The following LAMB3 variants were observed in gnomAD, a reference collection of about 807,000 sequenced individuals.
The protein encoded by LAMB3 is laminin subunit beta 3, also known as laminin subunit beta-3.
Under a neutral mutation model 140.3 loss-of-function variants are expected in LAMB3, and 104 were observed. That is an observed-to-expected ratio of 0.74 (90% CI 0.63 to 0.87). The LOEUF (loss-of-function observed/expected upper bound fraction) is 0.87. LAMB3 is among the 40% of genes least tolerant of loss of function. The pLI, the probability that LAMB3 is intolerant of heterozygous loss-of-function variation, is 0.00. For synonymous variants in LAMB3, 592 were observed against 602.9 expected, an observed-to-expected ratio of 0.98 and a Z score of 0.26; for missense variants, 1,531 against 1,575.2, an observed-to-expected ratio of 0.97 and a Z score of 0.47.
chr1:209,636,039 T>C (rs79192380), intron 5 of LAMB3, among the ~76,000 whole-genome samples: 1,901 of 152,350 alleles, frequency 0.012, 49 homozygotes, highest in African/African-American at 0.043. Flanking sequence ...ACAGATCTTT[T>C]GATACCTGAC....
Position 209,627,497 on chromosome 1 carries a change from C to T in LAMB3, c.1371G>A (p.Val457=), listed in dbSNP as rs1433069967. 1 of 1,613,976 alleles carries T rather than the reference C, an allele frequency of 6.2e-7. No homozygotes were observed. The highest frequency in any genetic ancestry group is 8.5e-7 in the Non-Finnish European group (1 of 1,180,032). ...ESGRCLCLPN[V]VGPKCDQCAP... ...CACACTGGTCACATTTGGGACCCACCACGTTGGGCAGACAAAGGCAGCGCC... is the reference window on the plus strand; with the variant it reads ...CACACTGGTCACATTTGGGACCCACTACGTTGGGCAGACAAAGGCAGCGCC... The change falls in exon 12 of 23, where the codon GTG becomes GTA. Residue 457 remains valine, a synonymous_variant. Coordinates refer to ENST00000356082, the MANE Select transcript of LAMB3 (RefSeq NM_000228.3).
At chr1:209,638,264 TAATTCTGCAAGCCCAC>T (rs1276454824) in intron 4 of LAMB3, among the ~76,000 whole-genome samples, 1 of 152,210 alleles carries the variant, frequency 6.6e-6, no homozygotes, top group Non-Finnish European at 1.5e-5. Flanking sequence ...TCCCCAAACT[TAATTCTGCAAGCCCAC>T]CCACTGAGAC....
At chr1:209,622,721 A>C (rs777463613) in intron 17 of LAMB3, 41 bp from the exon 18 acceptor site, 2 of 1,613,318 alleles carry the variant, frequency 1.2e-6, no homozygotes, top group African/African-American at 1.3e-5. Flanking sequence ...TAAGGCCCCA[A>C]GGGAACCTCT....
chr1:209,639,345 G>C (rs972992659), intron 3 of LAMB3, among the ~76,000 whole-genome samples: 1 of 152,206 alleles, frequency 6.6e-6, no homozygotes, highest in Non-Finnish European at 1.5e-5. Context: ...CAAAATTCTA[G>C]TGACATTCAA....
intron 3 of LAMB3, among the ~76,000 whole-genome samples, chr1:209,649,266 T>C (rs1250567633): frequency 6.6e-6 from 1 of 152,104 alleles, no homozygotes; most frequent in African/African-American, 2.4e-5. Flanking sequence ...TCAAGCAAAA[T>C]GGCTAAATGA....
Position 209,626,910 on chromosome 1 carries a change from C to T in LAMB3, c.1554G>A (p.Gln518=), listed in dbSNP as rs1666479735. ...GLMCSAAAIR[Q]CPDRTYGDVA... The stretch of plus-strand genomic sequence containing the variant: ...CGTCTCCATAGGTCCGGTCTGGACA[C>T]TGGCGGATGGCTGCAGCGCTGCACA... The change falls in exon 13 of 23, where the codon CAG becomes CAA. Residue 518 remains glutamine (Q), a synonymous_variant. Transcript: ENST00000356082. 1 of 1,613,794 alleles carries T rather than the reference C, an allele frequency of 6.2e-7. No individual in the cohort carries two copies. The highest frequency in any genetic ancestry group is 8.5e-7 in the Non-Finnish European group (1 of 1,179,984).
At position 209,650,044 on chromosome 1, in the gene LAMB3, C is replaced by T. The variant is rs948421129; in HGVS notation, c.103G>A (p.Val35Ile). Reference protein sequence around the residue: ...ACYPPVGDLLVGRTRFLRASS... With the variant: ...ACYPPVGDLLIGRTRFLRASS... ...GCTCGGAGAAACCGGGTCCTCCCAA[C>T]AAGCAGGTCCCCAACAGGTGGATAG... The change falls in exon 3 of 23, where the codon GTT (valine) becomes ATT (isoleucine). Residue 35 changes from valine to isoleucine, a missense_variant. By Grantham distance (29) the Val-to-Ile change is conservative (BLOSUM62 3). Coordinates refer to ENST00000356082, the MANE Select transcript of LAMB3 (RefSeq NM_000228.3). 5.6e-6 allele frequency: 9 copies of T among 1,614,194 alleles called. No individual in the cohort carries two copies. Among genetic ancestry groups the T allele is most frequent in the Non-Finnish European group, 7.6e-6 (9 of 1,180,038 alleles).
chr1:209,650,854 T>C (rs954666249), intron 2 of LAMB3, 63 bp downstream of exon 2: 8 of 1,512,606 alleles, frequency 5.3e-6, no homozygotes, highest in Middle Eastern at 1.7e-4. Context: ...ACTCTCCTTC[T>C]CCCTGTGGCT....
In LAMB3 at chr1:209,623,138, TGATA is replaced by T; in HGVS notation, c.2396_2399del (p.Ile799AsnfsTer31). ...CTTGGGGACATAGCTCACCAGGGCATGATATTGGGGTGCAAGCCATCTGCCTGGA... is the reference window on the plus strand; with the variant it reads ...CTTGGGGACATAGCTCACCAGGGCATTTGGGGTGCAAGCCATCTGCCTGGA... On this transcript the variant is annotated frameshift_variant, in exon 17 of 23. Transcript: ENST00000356082. LOFTEE classifies it high-confidence loss of function. This position sits in a 1 kb window ranked among gnomAD's most constrained non-coding sequence, Gnocchi z 4.2. 6.2e-7 allele frequency: 1 copy of T among 1,614,148 alleles called. No homozygotes were observed. The highest frequency in any genetic ancestry group is 8.5e-7 in the Non-Finnish European group (1 of 1,180,028).
chr1:209,618,685 T>C (rs781651068), intron 18 of LAMB3, 26 bp from the exon 19 acceptor site: 176 of 1,608,724 alleles, frequency 1.1e-4, no homozygotes, highest in Non-Finnish European at 1.4e-4. Flanking sequence ...CATTTGACTG[T>C]AGGAGCCCAC....
chr1:209,625,991 C>T lies in LAMB3; in HGVS notation c.1633G>A (p.Gly545Ser), dbSNP rs1166060024. The T allele has an allele frequency of 2.5e-6, 4 of 1,613,184 alleles. No individual in the cohort carries two copies. The highest frequency in any genetic ancestry group is 3.4e-6 in the Non-Finnish European group (4 of 1,179,558). ...CAGCGGCCTGATGCCTTGTCGCAGCCCGGGCCCTCTGTTCCCCGGAAATCA... is the reference window on the plus strand; with the variant it reads ...CAGCGGCCTGATGCCTTGTCGCAGCTCGGGCCCTCTGTTCCCCGGAAATCA... ...DCDFRGTEGP[G>S]CDKASGRCLC... The change falls in exon 14 of 23, where the codon GGC (glycine) becomes AGC (serine). Residue 545 changes from glycine to serine, a missense_variant. By Grantham distance (56) the Gly-to-Ser change is moderately conservative. Coordinates refer to ENST00000356082, the MANE Select transcript of LAMB3 (RefSeq NM_000228.3).
chr1:209,617,641 T>G (rs1571796893), intron 20 of LAMB3, 55 bp from the exon 21 acceptor site: 9 of 1,595,722 alleles, frequency 5.6e-6, no homozygotes, highest in South Asian at 2.2e-5. Flanking sequence ...GGTCGGGGGG[T>G]TCATCCCCAT....
At chr1:209,622,796 C>T in intron 17 of LAMB3, 116 bp from the exon 18 acceptor site, 1 of 1,444,098 alleles carries the variant, frequency 6.9e-7, no homozygotes, top group South Asian at 1.1e-5. Context: ...CATTTGTAAC[C>T]AACCCAGCTT....
intron 5 of LAMB3, among the ~76,000 whole-genome samples, chr1:209,637,694 G>A (rs1666935810): frequency 6.6e-6 from 1 of 152,222 alleles, no homozygotes; most frequent in Non-Finnish European, 1.5e-5. Context: ...GAATGAGAGA[G>A]GAAGAGGATA....
intron 3 of LAMB3, among the ~76,000 whole-genome samples, chr1:209,649,260 GCAAAAT>G (rs2076543990): frequency 1.3e-5 from 2 of 152,148 alleles, no homozygotes; most frequent in African/African-American, 4.8e-5. Flanking sequence ...CCTTGTTCAA[GCAAAAT>G]GGCTAAATGA....
chr1:209,616,367 T>C (rs988054102), intron 22 of LAMB3, 104 bp downstream of exon 22: 10 of 1,319,090 alleles, frequency 7.6e-6, no homozygotes, highest in Admixed American at 6.7e-5. Context: ...CTCACTCCCA[T>C]AGCACGGCTA....
At position 209,632,628 on chromosome 1, in the gene LAMB3, G is replaced by A. The variant is rs146529524; in HGVS notation, c.777C>T (p.Cys259=). ...CTGCAGAGGCCCCAGGCTTGGGTGC[G>A]CAGCGATCAGCATGGCCGTGACAGA... ...SCFCHGHADR[C]APKPGASAGP... The change falls in exon 8 of 23, where the codon TGC becomes TGT. Residue 259 remains cysteine (C), a synonymous_variant. Coordinates refer to ENST00000356082, the MANE Select transcript of LAMB3 (RefSeq NM_000228.3). The A allele has an allele frequency of 8.4e-4, 1,349 of 1,614,082 alleles. 2 individuals carry two copies. Among genetic ancestry groups the A allele is most frequent in the Non-Finnish European group, 1.0e-3 (1,194 of 1,179,944 alleles).
At chr1:209,620,360 G>A (rs759354891) in intron 18 of LAMB3, among the ~76,000 whole-genome samples, 9 of 152,150 alleles carry the variant, frequency 5.9e-5, no homozygotes, top group East Asian at 5.8e-4. Flanking sequence ...GGCCCCCAGC[G>A]CCATCTGATA....
chr1:209,650,683 C>T (rs774360346), intron 2 of LAMB3, among the ~76,000 whole-genome samples: 4 of 152,208 alleles, frequency 2.6e-5, no homozygotes, highest in African/African-American at 7.2e-5. Flanking sequence ...AAACCACCCT[C>T]GGCTGAGAAT....
Sources: gnomAD v4.1 joint callset for allele counts (sites outside exome capture counted in the v4.1 genomes callset) on GRCh38, gnomAD v4.1.1 for gene constraint, Gnocchi (gnomAD v3.1) non-coding constraint, MANE v1.5 for transcripts, NCBI Gene and HGNC (gene_info 2026-07-23, HGNC 2026-07-21) for gene names.